The following CDC73 variants were observed in gnomAD, a reference collection of about 807,000 sequenced individuals.
CDC73 encodes parafibromin.
A neutral mutation model predicts 83.7 loss-of-function variants in CDC73; 21 were observed. The observed-to-expected ratio is 0.25, with a 90% confidence interval of 0.18 to 0.36. The LOEUF (loss-of-function observed/expected upper bound fraction) is 0.36, where lower values mean the gene tolerates loss of function less well. Ranked by LOEUF, CDC73 falls within the 10% of genes least tolerant of loss-of-function variation. The pLI is 1.00. For synonymous variants in CDC73, 224 were observed against 212.9 expected (o/e 1.05, Z -0.45); for missense variants, 342 against 653.3 (o/e 0.52, Z 5.19).
At chr1:193,172,239 T>C (rs1676528953) in intron 10 of CDC73, among the ~76,000 whole-genome samples, 2 of 123,194 alleles carry the variant, frequency 1.6e-5, no homozygotes, top group African/African-American at 5.8e-5. Flanking sequence ...TTTGGTACCT[T>C]TTTTTTTTTT....
At chr1:193,139,996 G>A (rs994572210) in intron 6 of CDC73, among the ~76,000 whole-genome samples, 3 of 152,190 alleles carry the variant, frequency 2.0e-5, no homozygotes, top group African/African-American at 7.2e-5. Flanking sequence ...GCTGGGGTAC[G>A]TGAGGGGGAT....
At chr1:193,153,363 A>G (rs1252323179) in intron 10 of CDC73, among the ~76,000 whole-genome samples, 1 of 152,146 alleles carries the variant, frequency 6.6e-6, no homozygotes, top group Non-Finnish European at 1.5e-5. Context: ...TCTACCTTTT[A>G]TACTTTTATT....
rs1478875017 is a variant in CDC73 at position 193,253,930 on chromosome 1, A to G, written c.*3218A>G. The G allele has an allele frequency of 9.2e-6, 2 of 217,832 alleles. No homozygotes were observed. Among genetic ancestry groups the G allele is most frequent in the Non-Finnish European group, 1.8e-5 (2 of 108,778 alleles). 13.5% of individuals were successfully genotyped at this position (217,832 alleles called of 1,614,324 possible). On this transcript the variant is annotated 3_prime_UTR_variant, in exon 17 of 17. Transcript: ENST00000367435. ...AAGTGATTACATTGTTCTTTTTTGG[A>G]GGGGTGGGGAGGAATATTTGTTGAA... is the stretch of plus-strand genomic sequence containing the variant.
At chr1:193,219,716 C>T (rs1435646108) in intron 13 of CDC73, among the ~76,000 whole-genome samples, 1 of 152,096 alleles carries the variant, frequency 6.6e-6, no homozygotes, top group South Asian at 2.1e-4. Flanking sequence ...AAACAAAAGA[C>T]ACCAGGGCCT....
intron 10 of CDC73, among the ~76,000 whole-genome samples, chr1:193,203,004 A>C (rs1045492011): frequency 6.6e-6 from 1 of 152,064 alleles, no homozygotes; most frequent in Non-Finnish European, 1.5e-5. Flanking sequence ...CACTAGTGTA[A>C]AGTCTTTATG....
At chr1:193,186,322 T>C (rs1676805973) in intron 10 of CDC73, 1 of 152,424 alleles carries the variant, frequency 6.6e-6, no homozygotes, top group Admixed American at 6.6e-5. Context: ...TTCCCGACAG[T>C]TGATGCATTG....
At chr1:193,164,333 G>A (rs753445504) in intron 10 of CDC73, among the ~76,000 whole-genome samples, 2 of 152,208 alleles carry the variant, frequency 1.3e-5, no homozygotes, top group Non-Finnish European at 2.9e-5. Context: ...TTGTCTCATA[G>A]GGTGGCATTA....
At chr1:193,128,178 A>G (rs1675617510) in intron 2 of CDC73, 1 of 152,262 alleles carries the variant, frequency 6.6e-6, no homozygotes, top group African/African-American at 2.4e-5. Flanking sequence ...TGTGATGTGT[A>G]CATAACTCAG....
intron 3 of CDC73, among the ~76,000 whole-genome samples, chr1:193,131,014 C>T (rs1180938169): frequency 6.6e-6 from 1 of 151,934 alleles, no homozygotes; most frequent in Non-Finnish European, 1.5e-5. Context: ...CCTGTATTCT[C>T]TAGGTGATCT....
At chr1:193,173,300 A>G (rs1288877238) in intron 10 of CDC73, among the ~76,000 whole-genome samples, 2 of 152,156 alleles carry the variant, frequency 1.3e-5, no homozygotes, top group African/African-American at 2.4e-5. Flanking sequence ...ATAGCACGTG[A>G]TCTTCCATCT....
Position 193,142,098 on chromosome 1 carries a change from T to TGA in CDC73, c.729+50_729+51dup, listed in dbSNP as rs80356646. On this transcript the variant is annotated intron_variant, in intron 7 of 16. Transcript: ENST00000367435. ...AAAATATTTTACTCATTCATTGGAG[T>TGA]GAGAGAGAGAGAGAGAGAGTGCGTT... The TGA allele has an allele frequency of 9.1e-4, 1,310 of 1,434,650 alleles. 1 individual carries two copies. Among genetic ancestry groups the TGA allele is most frequent in the Middle Eastern group, 1.4e-3 (8 of 5,694 alleles). 88.9% of individuals were successfully genotyped at this position (1,434,650 alleles called of 1,614,324 possible).
intron 10 of CDC73, chr1:193,160,982 A>G (rs1221647414): frequency 1.9e-5 from 3 of 157,984 alleles, no homozygotes; most frequent in Non-Finnish European, 4.2e-5. Flanking sequence ...TAATTCCTGC[A>G]TTCAAATTTT....
rs1678062867 is a variant in CDC73, at chr1:193,252,663, C to T, written c.*1951C>T. 1 of 231,434 alleles carries T rather than the reference C, an allele frequency of 4.3e-6. No homozygotes were observed. Among genetic ancestry groups the T allele is most frequent in the Non-Finnish European group, 8.6e-6 (1 of 116,892 alleles). 14.3% of individuals were successfully genotyped at this position (231,434 alleles called of 1,614,324 possible). On this transcript the variant is annotated 3_prime_UTR_variant, in exon 17 of 17. Coordinates refer to ENST00000367435, the MANE Select transcript of CDC73 (RefSeq NM_024529.5). ...AAAATCAGACCCTTAGTATAAGCAC[C>T]TCTTTTTCTTTTCCTCTTTGACAAT... is the stretch of plus-strand genomic sequence containing the variant.
At chr1:193,154,485 T>A (rs530218803) in intron 10 of CDC73, among the ~76,000 whole-genome samples, 1 of 152,334 alleles carries the variant, frequency 6.6e-6, no homozygotes, top group South Asian at 2.1e-4. Context: ...GAGGTGAATT[T>A]AAGCAATATA....
chr1:193,185,704 GT>G (rs986691820), intron 10 of CDC73, among the ~76,000 whole-genome samples: 7 of 151,790 alleles, frequency 4.6e-5, no homozygotes, highest in Non-Finnish European at 5.9e-5. Context: ...ATATTGCTGT[GT>G]TTTTTGTAAA....
intron 15 of CDC73, among the ~76,000 whole-genome samples, chr1:193,241,020 T>C (rs575351837): frequency 1.0e-3 from 157 of 152,350 alleles, no homozygotes; most frequent in Non-Finnish European, 1.7e-3. Context: ...TTATTTTTCA[T>C]TGGGATCTGT....
intron 13 of CDC73, among the ~76,000 whole-genome samples, chr1:193,225,169 T>A (rs1558317090): frequency 6.6e-6 from 1 of 151,920 alleles, no homozygotes; most frequent in Non-Finnish European, 1.5e-5. Flanking sequence ...TCACTTAGGC[T>A]GATAGTCTCC....
At chr1:193,206,168 T>C (rs1455982691) in intron 11 of CDC73, among the ~76,000 whole-genome samples, 2 of 152,194 alleles carry the variant, frequency 1.3e-5, no homozygotes, top group East Asian at 3.9e-4. Flanking sequence ...ACTAGCCAGG[T>C]ATGTGGCTAG....
intron 7 of CDC73, 73 bp downstream of exon 7, chr1:193,142,139 G>T: frequency 7.8e-7 from 1 of 1,289,946 alleles, no homozygotes; most frequent in Non-Finnish European, 1.1e-6. Context: ...TGTGGTTATA[G>T]AATTGGTTAA....
Sources: gnomAD v4.1 joint callset for allele counts (sites outside exome capture counted in the v4.1 genomes callset) on GRCh38, gnomAD v4.1.1 for gene constraint, MANE v1.5 for transcripts, NCBI Gene and HGNC (gene_info 2026-07-23, HGNC 2026-07-21) for gene names.